The following COBL variants were observed in gnomAD, a reference collection of about 807,000 sequenced individuals.
The protein encoded by COBL is cordon-bleu WH2 repeat protein, also known as protein cordon-bleu.
In COBL, 51 loss-of-function variants were observed where a neutral mutation model predicts 98.8. The ratio of observed to expected loss-of-function variants is 0.52; its 90% confidence interval spans 0.41 to 0.65. The LOEUF (loss-of-function observed/expected upper bound fraction) is 0.65. Ranked by LOEUF, COBL falls within the 30% of genes least tolerant of loss-of-function variation. The probability of loss-of-function intolerance (pLI) is 0.00; values close to 1 mark genes in which losing one functional copy is unlikely to be tolerated. For synonymous variants in COBL, 634 were observed against 651.7 expected, an observed-to-expected ratio of 0.97 and a Z score of 0.41; for missense variants, 1,617 against 1,617.5, an observed-to-expected ratio of 1.00 and a Z score of 0.01.
intron 5 of COBL, among the ~76,000 whole-genome samples, chr7:51,179,253 T>G (rs962659130): frequency 5.9e-5 from 9 of 152,308 alleles, no homozygotes; most frequent in Non-Finnish European, 8.8e-5. Context: ...TTGGTTTTTT[T>G]GGGGACAGAG....
intron 7 of COBL, among the ~76,000 whole-genome samples, chr7:51,059,146 TG>T (rs1276797951): frequency 6.6e-6 from 1 of 152,232 alleles, no homozygotes; most frequent in African/African-American, 2.4e-5. Flanking sequence ...CTGGAAAAAC[TG>T]GGTAAATCAT....
chr7:51,131,056 C>T (rs945358331), intron 6 of COBL, among the ~76,000 whole-genome samples: 1 of 152,180 alleles, frequency 6.6e-6, no homozygotes, highest in African/African-American at 2.4e-5. Context: ...ATACTAATAA[C>T]TGATCATAAC....
At chr7:51,187,798 C>A in intron 4 of COBL, 1 of 869,918 alleles carries the variant, frequency 1.1e-6, no homozygotes, top group South Asian at 6.0e-5. Context: ...GGCCCCAAGC[C>A]AAACTTCCAT....
At chr7:51,221,218 C>G (rs955352743) in intron 1 of COBL, among the ~76,000 whole-genome samples, 3 of 152,176 alleles carry the variant, frequency 2.0e-5, no homozygotes, top group Non-Finnish European at 4.4e-5. Context: ...AGAGGGTCCA[C>G]AGAGAGGCAG....
intron 7 of COBL, among the ~76,000 whole-genome samples, chr7:51,084,367 C>G (rs1009005076): frequency 1.3e-5 from 2 of 152,094 alleles, no homozygotes; most frequent in Non-Finnish European, 2.9e-5. Flanking sequence ...GTCGTGAGCA[C>G]TGACACACGC....
At chr7:51,156,946 C>G (rs967767305) in intron 5 of COBL, among the ~76,000 whole-genome samples, 3 of 152,202 alleles carry the variant, frequency 2.0e-5, no homozygotes, top group Admixed American at 6.5e-5. Context: ...GCTTTGCCTT[C>G]TCTGTACAGA....
chr7:51,052,986 G>C (rs1312574549), intron 7 of COBL, among the ~76,000 whole-genome samples: 1 of 152,156 alleles, frequency 6.6e-6, no homozygotes, highest in Non-Finnish European at 1.5e-5. Flanking sequence ...CTTTGGCCTT[G>C]TTTCCCAAGA....
chr7:51,204,554 CTTTT>C (rs540131673), intron 2 of COBL, among the ~76,000 whole-genome samples: 1 of 137,546 alleles, frequency 7.3e-6, no homozygotes, highest in Non-Finnish European at 1.6e-5. Context: ...AAATCAGTGG[CTTTT>C]TTTTTTTTTT....
intron 1 of COBL, among the ~76,000 whole-genome samples, chr7:51,304,497 C>G (rs183177255): frequency 6.6e-6 from 1 of 152,212 alleles, no homozygotes; most frequent in African/African-American, 2.4e-5. Flanking sequence ...TCTAAACCAA[C>G]AGATCCCTTC....
At chr7:51,172,274 C>T (rs1430353583) in intron 5 of COBL, among the ~76,000 whole-genome samples, 8 of 152,312 alleles carry the variant, frequency 5.3e-5, no homozygotes, top group Admixed American at 2.0e-4. Flanking sequence ...AAATATTCCA[C>T]GTATTCCAAA....
At chr7:51,181,166 G>A (rs936133742) in intron 5 of COBL, among the ~76,000 whole-genome samples, 2 of 152,036 alleles carry the variant, frequency 1.3e-5, no homozygotes, top group African/African-American at 4.8e-5. Context: ...CAGTGACAAG[G>A]GACCCCTTGA....
At chr7:51,242,154 T>G (rs1215780901) in intron 1 of COBL, among the ~76,000 whole-genome samples, 1 of 152,172 alleles carries the variant, frequency 6.6e-6, no homozygotes, top group Non-Finnish European at 1.5e-5. Context: ...AATCAGAAGT[T>G]TGCATAGGGT....
chr7:51,160,896 T>C (rs1271773403), intron 5 of COBL, among the ~76,000 whole-genome samples: 1 of 151,884 alleles, frequency 6.6e-6, no homozygotes, highest in African/African-American at 2.4e-5. Context: ...TTTATTTTGT[T>C]TTGAATATAA....
At chr7:51,182,036 A>G (rs1789017252) in intron 5 of COBL, among the ~76,000 whole-genome samples, 1 of 152,116 alleles carries the variant, frequency 6.6e-6, no homozygotes, top group South Asian at 2.1e-4. Flanking sequence ...TAGATTTTTT[A>G]CTTGGTTTTT....
chr7:51,203,378 C>T (rs1325322019), intron 2 of COBL, among the ~76,000 whole-genome samples: 6 of 113,234 alleles, frequency 5.3e-5, no homozygotes, highest in Non-Finnish European at 8.6e-5. Context: ...AGGAGAATGG[C>T]GTGAACCCGG....
chr7:51,236,017 T>C (rs754319489), intron 1 of COBL, among the ~76,000 whole-genome samples: 22 of 152,078 alleles, frequency 1.4e-4, no homozygotes, highest in Non-Finnish European at 2.5e-4. Flanking sequence ...CATAATGTTT[T>C]CAAAAAAAAC....
At position 51,291,176 on chromosome 7, in the gene COBL, C is replaced by T. The variant is rs140335645; in HGVS notation, c.41+25417G>A. On this transcript the variant is annotated intron_variant, in intron 1 of 12. Coordinates refer to ENST00000265136, the MANE Select transcript of COBL (RefSeq NM_015198.5). ...GGGGCACAGCGGGGAACAGGCATCT[C>T]GGGGACCACAAGCAAGGCTGAGGCA... Among the ~76,000 whole-genome samples, 920 of 152,214 alleles carry T rather than the reference C, an allele frequency of 6.0e-3. 13 individuals are homozygous for T. Among genetic ancestry groups the T allele is most frequent in the African/African-American group, 0.021 (867 of 41,544 alleles).
At chr7:51,154,265 AC>A (rs1366510742) in intron 5 of COBL, among the ~76,000 whole-genome samples, 1 of 152,234 alleles carries the variant, frequency 6.6e-6, no homozygotes, top group Admixed American at 6.5e-5. Flanking sequence ...GTTTTAAGCT[AC>A]AGCCCTAAGG....
At chr7:51,240,378 C>T (rs1795675865) in intron 1 of COBL, among the ~76,000 whole-genome samples, 1 of 152,192 alleles carries the variant, frequency 6.6e-6, no homozygotes, top group African/African-American at 2.4e-5. Context: ...CTTTGCTTTA[C>T]TCATTGTAAG....
Sources: allele counts gnomAD v4.1 joint callset (sites outside exome capture counted in the v4.1 genomes callset), GRCh38; gene constraint gnomAD v4.1.1; transcripts MANE v1.5; gene names NCBI Gene and HGNC (gene_info 2026-07-23, HGNC 2026-07-21).